Variants in DLGAP2 observed in about 807,000 individuals in gnomAD.
DLGAP2 encodes the protein DLG associated protein 2.
In DLGAP2, 26 loss-of-function variants were observed where a neutral mutation model predicts 100.3. The ratio of observed to expected loss-of-function variants is 0.26; its 90% CI spans 0.19 to 0.36. The LOEUF is 0.36. DLGAP2 is among the 10% of genes least tolerant of loss of function. DLGAP2 has a pLI of 1.00. For missense variants in DLGAP2, 1,858 were observed against 1,453.2 expected, an observed-to-expected ratio of 1.28 and a Z score of -4.53; for synonymous variants, 886 against 630.1, an observed-to-expected ratio of 1.41 and a Z score of -6.08.
intron 2 of DLGAP2, among the ~76,000 whole-genome samples, chr8:950,190 C>T (rs1468400064): frequency 5.9e-5 from 9 of 152,068 alleles, no homozygotes; most frequent in African/African-American, 2.4e-5. Context: ...ATCTCATGCC[C>T]GGCTGAAGTT....
At chr8:1,074,328 T>C (rs947561502) in intron 2 of DLGAP2, among the ~76,000 whole-genome samples, 2 of 151,498 alleles carry the variant, frequency 1.3e-5, no homozygotes, top group African/African-American at 4.9e-5. Context: ...TGCAGCAGAC[T>C]GAGGCTGAAC....
chr8:1,514,929 C>A (rs1238358998), intron 4 of DLGAP2, among the ~76,000 whole-genome samples: 1 of 152,162 alleles, frequency 6.6e-6, no homozygotes, highest in African/African-American at 2.4e-5. Flanking sequence ...TACAAGAGCA[C>A]AGCCAGCGGG....
chr8:1,486,651 T>C (rs747900401), intron 3 of DLGAP2, among the ~76,000 whole-genome samples: 12 of 152,232 alleles, frequency 7.9e-5, no homozygotes, highest in Non-Finnish European at 1.6e-4. Context: ...TGCATTTGTC[T>C]CCTCTTGCTC....
intron 3 of DLGAP2, among the ~76,000 whole-genome samples, chr8:1,409,189 C>T (rs912582245): frequency 2.6e-5 from 4 of 151,574 alleles, no homozygotes; most frequent in Non-Finnish European, 5.9e-5. Context: ...GCGCCTGGCT[C>T]CCCTTGGACC....
At chr8:1,464,966 A>G (rs1563165367) in intron 3 of DLGAP2, among the ~76,000 whole-genome samples, 3 of 152,340 alleles carry the variant, frequency 2.0e-5, no homozygotes, top group Admixed American at 6.5e-5. Context: ...TGGTTTTTCT[A>G]TTTTCTCACT....
At chr8:1,267,927 C>T (rs1258094342) in intron 3 of DLGAP2, among the ~76,000 whole-genome samples, 2 of 152,110 alleles carry the variant, frequency 1.3e-5, no homozygotes, top group Non-Finnish European at 2.9e-5. Flanking sequence ...ATAAAGCTGG[C>T]TTCATGGATG....
chr8:1,196,797 G>T (rs1797761598), intron 2 of DLGAP2, among the ~76,000 whole-genome samples: 1 of 152,152 alleles, frequency 6.6e-6, no homozygotes, highest in Non-Finnish European at 1.5e-5. Context: ...CAGCAGTGAT[G>T]AGCCAGGGGC....
At chr8:1,204,142 C>T (rs1033563021) in intron 2 of DLGAP2, among the ~76,000 whole-genome samples, 4 of 152,218 alleles carry the variant, frequency 2.6e-5, no homozygotes, top group East Asian at 3.9e-4. Context: ...GCAGCAATGC[C>T]GGTCCACAGA....
intron 3 of DLGAP2, among the ~76,000 whole-genome samples, chr8:1,488,950 T>C (rs1016115423): frequency 6.6e-6 from 1 of 152,168 alleles, no homozygotes; most frequent in African/African-American, 2.4e-5. Flanking sequence ...CAGATCTTTT[T>C]TCAGAAACTG....
intron 3 of DLGAP2, among the ~76,000 whole-genome samples, chr8:1,289,053 T>C (rs549666779): frequency 1.4e-4 from 21 of 152,222 alleles, no homozygotes; most frequent in Admixed American, 6.5e-4. Flanking sequence ...CATTGGCAGA[T>C]AGAGCCGGTA....
intron 1 of DLGAP2, among the ~76,000 whole-genome samples, chr8:806,593 C>T (rs1458565249): frequency 6.6e-6 from 1 of 152,134 alleles, no homozygotes; most frequent in African/African-American, 2.4e-5. Context: ...ACAGGTGTAC[C>T]CGGAACAGGC....
intron 2 of DLGAP2, among the ~76,000 whole-genome samples, chr8:1,228,565 G>A (rs1237406070): frequency 2.0e-5 from 3 of 152,112 alleles, no homozygotes; most frequent in Non-Finnish European, 4.4e-5. Context: ...AAAATAACTA[G>A]CAAATTGAAT....
At position 1,678,236 on chromosome 8, in the gene DLGAP2, A is replaced by G. The variant is rs1475445352; in HGVS notation, c.2311A>G (p.Asn771Asp). The G allele has an allele frequency of 1.2e-6, 2 of 1,613,194 alleles. No homozygotes were observed. Among genetic ancestry groups the G allele is most frequent in the African/African-American group, 2.7e-5 (2 of 74,920 alleles). Residue 771 changes from asparagine to aspartate, a missense_variant, in exon 12 of 15, where the codon AAC (asparagine) becomes GAC (aspartate). Coordinates refer to ENST00000637795, the MANE Select transcript of DLGAP2 (RefSeq NM_001346810.2). Reference sequence around the variant, plus strand: ...CAGACACGGACGTTTTAAACGTTCTAACAGCGTCACGGCCGCCGTCCAAGC... The same window carrying G: ...CAGACACGGACGTTTTAAACGTTCTGACAGCGTCACGGCCGCCGTCCAAGC... ...EKRHGRFKRS[N>D]SVTAAVQADL... is the part of the protein sequence containing the mutation.
At chr8:913,534 A>G (rs1223231299) in intron 2 of DLGAP2, among the ~76,000 whole-genome samples, 2 of 152,238 alleles carry the variant, frequency 1.3e-5, no homozygotes, top group Non-Finnish European at 1.5e-5. Flanking sequence ...TCCTAAAGCT[A>G]TGTAGACAAT....
intron 2 of DLGAP2, among the ~76,000 whole-genome samples, chr8:1,174,622 A>G (rs1225022954): frequency 2.0e-5 from 3 of 151,774 alleles, no homozygotes; most frequent in African/African-American, 4.8e-5. Flanking sequence ...CAAAATCATT[A>G]TTACTGCCAC....
At chr8:1,334,757 C>T (rs1356486318) in intron 3 of DLGAP2, among the ~76,000 whole-genome samples, 1 of 152,206 alleles carries the variant, frequency 6.6e-6, no homozygotes, top group African/African-American at 2.4e-5. Context: ...TTTCTCATAC[C>T]ACCGAGAAGC....
At chr8:1,310,019 A>G (rs2117013146) in intron 3 of DLGAP2, among the ~76,000 whole-genome samples, 1 of 147,254 alleles carries the variant, frequency 6.8e-6, no homozygotes, top group African/African-American at 2.6e-5. Context: ...CATTTGAACC[A>G]CTGTATACCA....
intron 2 of DLGAP2, among the ~76,000 whole-genome samples, chr8:1,246,017 A>C (rs1585186584): frequency 6.6e-6 from 1 of 152,198 alleles, no homozygotes; most frequent in Non-Finnish European, 1.5e-5. Context: ...TCTACACTCA[A>C]ATTTCATGTT....
chr8:1,179,599 T>C (rs1374264528), intron 2 of DLGAP2, among the ~76,000 whole-genome samples: 2 of 152,382 alleles, frequency 1.3e-5, no homozygotes, highest in Non-Finnish European at 1.5e-5. Flanking sequence ...AAATTAACTC[T>C]CCAAGTTGCC....
Sources: gnomAD v4.1 joint callset for allele counts (sites outside exome capture counted in the v4.1 genomes callset) on GRCh38, gnomAD v4.1.1 for gene constraint, MANE v1.5 for transcripts, NCBI Gene and HGNC (gene_info 2026-07-23, HGNC 2026-07-21) for gene names.